KCNQ1: variants seen among roughly 807,000 people sequenced by gnomAD.
KCNQ1 encodes the protein potassium voltage-gated channel subfamily Q member 1.
A neutral mutation model predicts 72.4 loss-of-function variants in KCNQ1; 49 were observed. The ratio of observed to expected loss-of-function variants is 0.68; its 90% CI spans 0.54 to 0.86. The LOEUF is 0.86. Ranked by LOEUF, KCNQ1 falls within the 40% of genes least tolerant of loss-of-function variation. The pLI is 0.00. For missense variants in KCNQ1, 790 were observed against 945.1 expected (o/e 0.84, Z 2.15); for synonymous variants, 450 against 412.6 (o/e 1.09, Z -1.10).
intron 11 of KCNQ1, among the ~76,000 whole-genome samples, chr11:2,736,850 T>C (rs1040610209): frequency 5.9e-5 from 9 of 152,164 alleles, no homozygotes; most frequent in African/African-American, 2.2e-4. Flanking sequence ...CAAGATAAGA[T>C]GCCCACGGCT....
chr11:2,815,917 C>T lies in KCNQ1; in HGVS notation c.1795-31850C>T, dbSNP rs1205382800. ...GCCGAAAAATTAAGCACCGCTGAGT[C>T]GCCGCACACCTGTCAGGGTGGAGGG... On this transcript the variant is annotated intron_variant, in intron 15 of 15. Coordinates refer to ENST00000155840, the MANE Select transcript of KCNQ1 (RefSeq NM_000218.3). This position sits in a 1 kb window ranked among gnomAD's most constrained non-coding sequence, Gnocchi z 5.4. 3.3e-5 allele frequency among the ~76,000 whole-genome samples: 5 copies of T among 152,202 alleles called. No individual in the cohort carries two copies. Among genetic ancestry groups the T allele is most frequent in the African/African-American group, 9.6e-5 (4 of 41,462 alleles).
In KCNQ1 at chr11:2,457,681, G is replaced by A. The variant is rs541701859; in HGVS notation, c.386+12197G>A. On this transcript the variant is annotated intron_variant, in intron 1 of 15. Coordinates refer to ENST00000155840, the MANE Select transcript of KCNQ1 (RefSeq NM_000218.3). The surrounding 1 kb of genome is among the most constrained non-coding windows in gnomAD (Gnocchi z 5.0). ...GAAAAGTTACCTGTGGGTGCTGTGC[G>A]CACTACGTGGGAGACCGGATCGTTT... Among the ~76,000 whole-genome samples, 8 of 152,226 alleles carry A rather than the reference G, an allele frequency of 5.3e-5. No homozygotes were observed. The highest frequency in any genetic ancestry group is 1.9e-4 in the East Asian group (1 of 5,162).
At chr11:2,545,695 G>C (rs868520122) in intron 2 of KCNQ1, among the ~76,000 whole-genome samples, 3 of 152,098 alleles carry the variant, frequency 2.0e-5, no homozygotes, top group African/African-American at 7.2e-5. Context: ...ATTCTATTCA[G>C]GTGATTGATA....
chr11:2,640,287 C>G (rs1250943305), intron 10 of KCNQ1: 4 of 398,028 alleles, frequency 1.0e-5, no homozygotes, highest in Non-Finnish European at 1.8e-5. Context: ...AATCACCCAT[C>G]TTCTGCGTCA....
In KCNQ1 at chr11:2,817,785, A is replaced by G. The variant is rs1847648587; in HGVS notation, c.1795-29982A>G. Among the ~76,000 whole-genome samples the G allele has an allele frequency of 2.0e-5, 3 of 152,234 alleles. No individual in the cohort carries two copies. In the South Asian group the frequency reaches 6.2e-4, roughly 32 times the overall value. ...TACATTAGACTCAAAGAGACATGAT[A>G]TCCCCTTGGGCTGCAACTTAAATTC... On this transcript the variant is annotated intron_variant, in intron 15 of 15. Coordinates refer to ENST00000155840, the MANE Select transcript of KCNQ1 (RefSeq NM_000218.3). The surrounding 1 kb of genome is among the most constrained non-coding windows in gnomAD (Gnocchi z 6.1).
At chr11:2,649,645 TAGA>T (rs1161785749) in intron 10 of KCNQ1, 8 of 398,630 alleles carry the variant, frequency 2.0e-5, no homozygotes, top group East Asian at 1.8e-4. Flanking sequence ...TTTCCTGGCC[TAGA>T]AGGTTTCTGC....
rs1197013624 is a variant in KCNQ1 at position 2,538,347 on chromosome 11, C to T, written c.477+10329C>T. ...GAGGCTTGGGGACAGTCCCCTGGCC[C>T]CACGGATGTTGTGTGGACGAGTTGG... is the stretch of plus-strand genomic sequence containing the variant. On this transcript the variant is annotated intron_variant, in intron 2 of 15. Coordinates refer to ENST00000155840, the MANE Select transcript of KCNQ1 (RefSeq NM_000218.3). The surrounding 1 kb of genome is among the most constrained non-coding windows in gnomAD (Gnocchi z 6.7). Among the ~76,000 whole-genome samples, 3 of 152,156 alleles carry T rather than the reference C, an allele frequency of 2.0e-5. No homozygotes were observed. In the East Asian group the frequency reaches 5.8e-4, roughly 29 times the overall value.
chr11:2,847,067 T>C (rs1479793569), intron 15 of KCNQ1, among the ~76,000 whole-genome samples: 2 of 152,118 alleles, frequency 1.3e-5, no homozygotes, highest in Non-Finnish European at 2.9e-5. Context: ...GTTAAAGACA[T>C]GGCATAATGG....
intron 10 of KCNQ1, chr11:2,619,991 A>G: frequency 2.5e-6 from 1 of 398,254 alleles, no homozygotes; most frequent in Non-Finnish European, 4.4e-6. Flanking sequence ...AGTACCCAAT[A>G]GGTAGGTTTT....
chr11:2,667,036 C>T (rs1850086140), intron 11 of KCNQ1: 3 of 398,670 alleles, frequency 7.5e-6, no homozygotes, highest in South Asian at 2.5e-4. Flanking sequence ...CCCACATAGC[C>T]CCAGCCAGGC....
intron 3 of KCNQ1, 65 bp downstream of exon 3, chr11:2,570,819 A>G (rs1334555192): frequency 2.5e-6 from 4 of 1,597,956 alleles, no homozygotes; most frequent in Non-Finnish European, 3.4e-6. Context: ...CCCCCACCTC[A>G]TGACCCCTAC....
chr11:2,701,263 C>T (rs1038017553), intron 11 of KCNQ1, among the ~76,000 whole-genome samples: 3 of 152,188 alleles, frequency 2.0e-5, no homozygotes, highest in Non-Finnish European at 4.4e-5. Context: ...AAAATGGTGT[C>T]ATTTTTTCAG....
intron 11 of KCNQ1, chr11:2,662,335 G>GT (rs1356423164): frequency 3.1e-5 from 18 of 572,222 alleles, no homozygotes; most frequent in Admixed American, 2.7e-4. Context: ...TTTTCCACTT[G>GT]TTTTCATGCT....
intron 4 of KCNQ1, 67 bp downstream of exon 4, chr11:2,571,470 G>A (rs1848334001): frequency 7.5e-7 from 1 of 1,339,614 alleles, no homozygotes; most frequent in Non-Finnish European, 1.1e-6. Flanking sequence ...TGAGCCGCGG[G>A]TGGTCTCACG....
At chr11:2,571,479 C>A (rs553124631) in intron 4 of KCNQ1, 76 bp downstream of exon 4, 13 of 1,219,048 alleles carry the variant, frequency 1.1e-5, no homozygotes, top group Admixed American at 1.7e-5. Context: ...GGTGGTCTCA[C>A]GCCCCATCCA....
Position 2,703,034 on chromosome 11 carries a change from C to T in KCNQ1, c.1514+40953C>T, listed in dbSNP as rs1319715812. ...GAGAGGGGTTTGTTGTCTCGTCGGG[C>T]GACAAGAGACACGTGGGAATTGGCT... is the stretch of plus-strand genomic sequence containing the variant. On this transcript the variant is annotated intron_variant, in intron 11 of 15. Transcript: ENST00000155840. The surrounding 1 kb of genome is among the most constrained non-coding windows in gnomAD (Gnocchi z 6.4). 2.0e-5 allele frequency among the ~76,000 whole-genome samples: 3 copies of T among 152,176 alleles called. No individual in the cohort carries two copies. Among genetic ancestry groups the T allele is most frequent in the East Asian group, 1.9e-4 (1 of 5,176 alleles).
intron 10 of KCNQ1, chr11:2,643,892 GTTTTGTT>G (rs1849620360): frequency 2.5e-6 from 1 of 398,446 alleles, no homozygotes; most frequent in East Asian, 3.6e-5. Flanking sequence ...CAGGTTTTTG[GTTTTGTT>G]TTTTCTTTCA....
chr11:2,635,947 T>C (rs998177689), intron 10 of KCNQ1: 1 of 152,224 alleles, frequency 6.6e-6, no homozygotes, highest in Non-Finnish European at 1.5e-5. Context: ...TTGAAGCAAT[T>C]GTGAATGGGA....
rs374386025 is a variant in KCNQ1 at position 2,528,876 on chromosome 11, C to T, written c.477+858C>T. On this transcript the variant is annotated intron_variant, in intron 2 of 15. Coordinates refer to ENST00000155840, the MANE Select transcript of KCNQ1 (RefSeq NM_000218.3). ...GTCCCTCCGGGGTCCAGAGTCCTCTCGCGATGGCCTCGGCAGTGGTATCCG... is the reference window on the plus strand; with the variant it reads ...GTCCCTCCGGGGTCCAGAGTCCTCTTGCGATGGCCTCGGCAGTGGTATCCG... Among the ~76,000 whole-genome samples the T allele has an allele frequency of 2.1e-4, 32 of 152,370 alleles. No individual in the cohort carries two copies. The East Asian group carries it at 2.5e-3, about 12-fold the overall frequency.
Sources: gnomAD v4.1 joint callset for allele counts (sites outside exome capture counted in the v4.1 genomes callset) on GRCh38, gnomAD v4.1.1 for gene constraint, Gnocchi (gnomAD v3.1) non-coding constraint, MANE v1.5 for transcripts, NCBI Gene and HGNC (gene_info 2026-07-23, HGNC 2026-07-21) for gene names.